MNAT1: variants seen among roughly 807,000 people sequenced by gnomAD.
MNAT1 encodes MNAT1 component of CDK activating kinase.
MNAT1 carries 43 observed loss-of-function variants against 42.0 expected under a neutral mutation model. The ratio of observed to expected loss-of-function variants is 1.02; its 90% CI spans 0.80 to 1.32. MNAT1 has a LOEUF of 1.32. Ranked by LOEUF, MNAT1 falls within the 40% of genes most tolerant of loss-of-function variation. The pLI is 0.00. For synonymous variants in MNAT1, 118 were observed against 120.0 expected (o/e 0.98, Z 0.11); for missense variants, 306 against 350.4 (o/e 0.87, Z 1.01).
chr14:60,809,362 C>G (rs1027444832), intron 4 of MNAT1, among the ~76,000 whole-genome samples: 1 of 152,070 alleles, frequency 6.6e-6, no homozygotes, highest in Admixed American at 6.5e-5. Context: ...TGAATTGATA[C>G]TACATTTTCA....
chr14:60,912,254 A>G (rs1396439149), intron 7 of MNAT1, among the ~76,000 whole-genome samples: 4 of 152,082 alleles, frequency 2.6e-5, no homozygotes, highest in Admixed American at 2.0e-4. Context: ...CAGCACACTG[A>G]TGGGTCTTGA....
chr14:60,880,935 C>T (rs2034536597), intron 7 of MNAT1, among the ~76,000 whole-genome samples: 1 of 152,064 alleles, frequency 6.6e-6, no homozygotes, highest in Non-Finnish European at 1.5e-5. Context: ...GACAATATTG[C>T]GTTTTATAAT....
At chr14:60,748,198 GAA>G (rs900772970) in intron 1 of MNAT1, among the ~76,000 whole-genome samples, 1 of 136,384 alleles carries the variant, frequency 7.3e-6, no homozygotes. Context: ...CTCTGTCTCA[GAA>G]AAAAAAAAAA....
chr14:60,890,348 T>G (rs529918278), intron 7 of MNAT1, among the ~76,000 whole-genome samples: 1 of 152,314 alleles, frequency 6.6e-6, no homozygotes, highest in South Asian at 2.1e-4. Context: ...TTGCATCTCT[T>G]CATCTGAGAT....
intron 6 of MNAT1, among the ~76,000 whole-genome samples, chr14:60,858,432 T>A (rs1173928417): frequency 9.2e-5 from 14 of 152,092 alleles, no homozygotes; most frequent in East Asian, 1.9e-4. Context: ...TTTTTTTTTT[T>A]TATAAATTTG....
At chr14:60,791,283 A>T (rs1446050403) in intron 1 of MNAT1, among the ~76,000 whole-genome samples, 2 of 152,188 alleles carry the variant, frequency 1.3e-5, no homozygotes, top group Non-Finnish European at 2.9e-5. Context: ...ATGGGTAAAC[A>T]TGCTTTTTTA....
chr14:60,964,230 A>G (rs1029838449), intron 7 of MNAT1, among the ~76,000 whole-genome samples: 5 of 152,206 alleles, frequency 3.3e-5, no homozygotes, highest in Admixed American at 2.6e-4. Flanking sequence ...CAAACCTTCA[A>G]GTGTGGTTTT....
intron 6 of MNAT1, among the ~76,000 whole-genome samples, chr14:60,848,630 C>T (rs757417825): frequency 2.4e-4 from 37 of 152,030 alleles, no homozygotes; most frequent in Non-Finnish European, 3.7e-4. Context: ...CATGTTGTGG[C>T]GTTATGTACT....
In MNAT1 at chr14:60,829,353, A is replaced by T. The variant is rs977022770; in HGVS notation, c.687+10506A>T. ...AATGCCTAGTAACTCTTTCTTATAT[A>T]TTCCTATATTTCTAGGTAACAATTC... On this transcript the variant is annotated intron_variant, in intron 6 of 7. Transcript: ENST00000261245. 2.6e-5 allele frequency among the ~76,000 whole-genome samples: 4 copies of T among 152,316 alleles called. No homozygotes were observed. In the South Asian group the frequency reaches 8.3e-4, roughly 32 times the overall value.
At chr14:60,781,782 G>A (rs1233478654) in intron 1 of MNAT1, among the ~76,000 whole-genome samples, 3 of 151,920 alleles carry the variant, frequency 2.0e-5, no homozygotes, top group African/African-American at 7.3e-5. Context: ...TGTGTATAGG[G>A]TGAAAGATAG....
intron 1 of MNAT1, among the ~76,000 whole-genome samples, chr14:60,745,486 G>A (rs1896585776): frequency 6.6e-6 from 1 of 152,118 alleles, no homozygotes. Context: ...GTGCGATCTT[G>A]GCTCATTGCA....
At chr14:60,894,290 A>T (rs201004175) in intron 7 of MNAT1, among the ~76,000 whole-genome samples, 6,493 of 149,868 alleles carry the variant, frequency 0.043, 180 homozygotes, top group East Asian at 0.13. Context: ...TTTTTTTTTT[A>T]AAATAATTTA....
intron 7 of MNAT1, among the ~76,000 whole-genome samples, chr14:60,966,207 A>G (rs1484962211): frequency 2.0e-5 from 3 of 151,748 alleles, no homozygotes; most frequent in African/African-American, 7.3e-5. Context: ...GCTCACTGCA[A>G]CCTCTGCCTC....
chr14:60,743,545 TC>T (rs1896533704), intron 1 of MNAT1, among the ~76,000 whole-genome samples: 2 of 152,214 alleles, frequency 1.3e-5, no homozygotes, highest in African/African-American at 4.8e-5. Flanking sequence ...TGCCTCAGCC[TC>T]TCAAAGTGCT....
intron 3 of MNAT1, among the ~76,000 whole-genome samples, chr14:60,802,971 C>T (rs1358144068): frequency 2.1e-5 from 3 of 140,364 alleles, no homozygotes; most frequent in East Asian, 2.1e-4. Context: ...TTCGCTCTGT[C>T]GCCCAGGCTG....
At chr14:60,868,907 T>A (rs1176709139) in intron 6 of MNAT1, among the ~76,000 whole-genome samples, 2 of 151,732 alleles carry the variant, frequency 1.3e-5, no homozygotes. Flanking sequence ...AAATTCCAAT[T>A]GTTTACGCTT....
At chr14:60,855,164 C>T (rs376732070) in intron 6 of MNAT1, among the ~76,000 whole-genome samples, 1 of 152,298 alleles carries the variant, frequency 6.6e-6, no homozygotes, top group Admixed American at 6.5e-5. Context: ...CCTCTCCCCG[C>T]ACCAAGCTCG....
At chr14:60,807,816 T>C (rs2032420293) in intron 3 of MNAT1, among the ~76,000 whole-genome samples, 1 of 152,134 alleles carries the variant, frequency 6.6e-6, no homozygotes, top group Non-Finnish European at 1.5e-5. Flanking sequence ...ATTTCATACG[T>C]TTCTAGAGCT....
At chr14:60,967,714 G>C (rs977697740) in intron 7 of MNAT1, among the ~76,000 whole-genome samples, 10 of 152,218 alleles carry the variant, frequency 6.6e-5, no homozygotes, top group Non-Finnish European at 1.3e-4. Flanking sequence ...TTTCCTGCAA[G>C]GAATGAGACA....
Sources: gnomAD v4.1 joint callset for allele counts (sites outside exome capture counted in the v4.1 genomes callset) on GRCh38, gnomAD v4.1.1 for gene constraint, MANE v1.5 for transcripts, NCBI Gene and HGNC (gene_info 2026-07-23, HGNC 2026-07-21) for gene names.